The following NEBL variants were observed in gnomAD, a reference collection of about 807,000 sequenced individuals.
The protein encoded by NEBL is LIM and SH3 protein 2.
Under a neutral mutation model 140.2 loss-of-function variants are expected in NEBL, and 122 were observed. That is an observed-to-expected ratio of 0.87 (90% confidence interval 0.75 to 1.01). The LOEUF (loss-of-function observed/expected upper bound fraction) is 1.01, where lower values mean the gene tolerates loss of function less well. Among genes scored for constraint, NEBL ranks in the 50% least tolerant of loss-of-function variants. The probability of loss-of-function intolerance (pLI) is 0.00; values close to 1 mark genes in which losing one functional copy is unlikely to be tolerated. For missense variants in NEBL, 1,365 were observed against 1,231.3 expected (o/e 1.11, Z -1.62); for synonymous variants, 436 against 398.9 (o/e 1.09, Z -1.11).
chr10:21,110,198 G>A (rs1837929190), intron 2 of NEBL, among the ~76,000 whole-genome samples: 1 of 152,070 alleles, frequency 6.6e-6, no homozygotes, highest in Admixed American at 6.6e-5. Context: ...CTGGCCTTGT[G>A]CCCACTTCTA....
intron 3 of NEBL, among the ~76,000 whole-genome samples, chr10:21,236,571 A>G (rs757376666): frequency 3.3e-5 from 5 of 151,442 alleles, no homozygotes; most frequent in African/African-American, 4.9e-5. Context: ...CTGGTCTCGA[A>G]CTCCTGACCT....
At chr10:21,137,004 C>T (rs1229049449) in intron 2 of NEBL, among the ~76,000 whole-genome samples, 1 of 152,154 alleles carries the variant, frequency 6.6e-6, no homozygotes. Context: ...ACTGGCATAG[C>T]ATTTTCTTAA....
intron 3 of NEBL, among the ~76,000 whole-genome samples, chr10:21,184,298 A>G (rs187630596): frequency 6.6e-6 from 1 of 152,342 alleles, no homozygotes; most frequent in Non-Finnish European, 1.5e-5. Flanking sequence ...GCAATCAACA[A>G]CAGAAGTAAC....
intron 3 of NEBL, among the ~76,000 whole-genome samples, chr10:20,982,229 C>T (rs892676490): frequency 6.6e-6 from 1 of 152,288 alleles, no homozygotes; most frequent in East Asian, 1.9e-4. Context: ...GAAACATCGT[C>T]AAATGTTGTT....
At chr10:20,841,731 A>C (rs1297191654) in intron 12 of NEBL, among the ~76,000 whole-genome samples, 2 of 152,118 alleles carry the variant, frequency 1.3e-5, no homozygotes, top group African/African-American at 4.8e-5. Flanking sequence ...TGGAATAGAA[A>C]ATCCAAAGAT....
At chr10:21,066,030 G>A (rs1046295286) in intron 2 of NEBL, among the ~76,000 whole-genome samples, 1 of 152,068 alleles carries the variant, frequency 6.6e-6, no homozygotes, top group South Asian at 2.1e-4. Flanking sequence ...CCTCCTCTTA[G>A]ACTAATAGTT....
intron 4 of NEBL, among the ~76,000 whole-genome samples, chr10:20,902,540 G>C (rs766379912): frequency 1.3e-5 from 2 of 152,192 alleles, no homozygotes; most frequent in Non-Finnish European, 2.9e-5. Flanking sequence ...ACTGGAAATA[G>C]TATGGGGCAC....
rs73607537 is a variant in NEBL, at chr10:20,875,980, A to G, written c.480+4814T>C. 8.6e-3 allele frequency among the ~76,000 whole-genome samples: 1,303 copies of G among 152,322 alleles called. 20 individuals carry two copies. Among genetic ancestry groups the G allele is most frequent in the African/African-American group, 0.03 (1,234 of 41,580 alleles). On this transcript the variant is annotated intron_variant, in intron 5 of 27. Transcript: ENST00000377122. ...CCTTTGTCTTTAGCAAAACTCTCAC[A>G]TTAGAGAAGCCCTCCAGGTATCATC...
chr10:21,194,527 G>T (rs1441184964), intron 3 of NEBL, among the ~76,000 whole-genome samples: 1 of 151,984 alleles, frequency 6.6e-6, no homozygotes, highest in Non-Finnish European at 1.5e-5. Context: ...TGTAATCTTT[G>T]TTATTATGAG....
chr10:21,219,282 A>G lies in NEBL; in HGVS notation n.348+28639T>C, dbSNP rs574632526. ...AATGTATTTTTTATAAGTGAGGGCT[A>G]TATAAATTACAAAGTAGTCAGGACT... On this transcript the variant is annotated intron_variant and non_coding_transcript_variant, in intron 3 of 8. Transcript: ENST00000675702. Among the ~76,000 whole-genome samples the G allele has an allele frequency of 2.6e-5, 4 of 152,368 alleles. No homozygotes were observed. In the South Asian group the frequency reaches 6.2e-4, roughly 24 times the overall value.
At chr10:21,006,898 T>C (rs975946677) in intron 3 of NEBL, among the ~76,000 whole-genome samples, 4 of 152,132 alleles carry the variant, frequency 2.6e-5, no homozygotes, top group Non-Finnish European at 5.9e-5. Flanking sequence ...GTTCTATAAA[T>C]AGTTGACAAA....
rs751415680 is a variant in NEBL, at chr10:20,888,139, A to G, written c.327T>C (p.Ile109=). The G allele has an allele frequency of 6.8e-6, 11 of 1,613,992 alleles. No homozygotes were observed. The highest frequency in any genetic ancestry group is 1.7e-4 in the Middle Eastern group (1 of 6,058). The change falls in exon 4 of 28, where the codon ATT becomes ATC. Residue 109 remains isoleucine (I), a synonymous_variant. Coordinates refer to ENST00000377122, the MANE Select transcript of NEBL (RefSeq NM_006393.3). ...NSLYKRMPAT[I]DSVFAGEVTQ... is the part of the protein sequence containing the mutation. ...TAACTTCTCCTGCAAAAACACTGTC[A>G]ATTGTGGCTGGCATCCGCTTATAAA... is the stretch of plus-strand genomic sequence containing the variant.
chr10:21,129,395 T>C (rs936538093), intron 2 of NEBL, among the ~76,000 whole-genome samples: 7 of 152,104 alleles, frequency 4.6e-5, no homozygotes, highest in Non-Finnish European at 1.0e-4. Flanking sequence ...TACAGGCATG[T>C]GCCACTATGC....
At chr10:21,109,991 G>A (rs1837914401) in intron 2 of NEBL, among the ~76,000 whole-genome samples, 1 of 151,998 alleles carries the variant, frequency 6.6e-6, no homozygotes, top group Non-Finnish European at 1.5e-5. Flanking sequence ...GGTTTTTCAT[G>A]CCTCTATCTC....
At position 20,840,806 on chromosome 10, in the gene NEBL, C is replaced by G; in HGVS notation, c.1271G>C (p.Gly424Ala). Reference sequence around the variant, plus strand: ...AAGAACTTCTGAATTAAGTTCCATTCCTTTCCCTTTTATCTCATTTTCCAA... The same window carrying G: ...AAGAACTTCTGAATTAAGTTCCATTGCTTTCCCTTTTATCTCATTTTCCAA... ...KDLENEIKGK[G>A]MELNSEVLDI... The change falls in exon 13 of 28, where the codon GGA becomes GCA. Residue 424 changes from glycine (G) to alanine (A), a missense_variant. Coordinates refer to ENST00000377122, the MANE Select transcript of NEBL (RefSeq NM_006393.3). 3 of 1,610,658 alleles carry G rather than the reference C, an allele frequency of 1.9e-6. No individual in the cohort carries two copies. The highest frequency in any genetic ancestry group is 1.3e-5 in the African/African-American group (1 of 74,938).
intron 16 of NEBL, 87 bp from the exon 17 acceptor site, chr10:20,828,721 G>GGAGA: frequency 2.4e-6 from 2 of 843,828 alleles, no homozygotes; most frequent in Non-Finnish European, 3.9e-6. Flanking sequence ...AAGGAGGAAG[G>GGAGA]GAGAGAGAGA....
intron 4 of NEBL, among the ~76,000 whole-genome samples, chr10:20,933,195 C>T (rs1834287109): frequency 6.6e-6 from 1 of 152,188 alleles, no homozygotes; most frequent in African/African-American, 2.4e-5. Flanking sequence ...CCATTTGCAT[C>T]AGTCCCTCCT....
chr10:20,927,331 A>G (rs949964921), intron 4 of NEBL, among the ~76,000 whole-genome samples: 6 of 152,258 alleles, frequency 3.9e-5, no homozygotes, highest in Non-Finnish European at 8.8e-5. Context: ...TTTTCTTCAC[A>G]AAGATTCTTT....
intron 4 of NEBL, among the ~76,000 whole-genome samples, chr10:20,908,029 C>T (rs1387135598): frequency 1.3e-5 from 2 of 152,096 alleles, no homozygotes; most frequent in Non-Finnish European, 2.9e-5. Context: ...ATGAAGTCTT[C>T]GAAGTTCTTG....
Sources: gnomAD v4.1 joint callset for allele counts (sites outside exome capture counted in the v4.1 genomes callset) on GRCh38, gnomAD v4.1.1 for gene constraint, MANE v1.5 for transcripts, NCBI Gene and HGNC (gene_info 2026-07-23, HGNC 2026-07-21) for gene names.